Variants in SDK1 observed in about 807,000 individuals in gnomAD.
The protein encoded by SDK1 is protein sidekick-1.
In SDK1, 157 loss-of-function variants were observed where a neutral mutation model predicts 245.5. That is an observed-to-expected ratio of 0.64 (90% CI 0.56 to 0.73). The LOEUF is 0.73. Ranked by LOEUF, SDK1 falls within the 30% of genes least tolerant of loss-of-function variation. SDK1 has a pLI of 0.00. For missense variants in SDK1, 3,583 were observed against 3,002.3 expected (o/e 1.19, Z -4.52); for synonymous variants, 1,647 against 1,278.5 (o/e 1.29, Z -6.15).
In SDK1 at chr7:3,346,522, A is replaced by AT. The variant is rs569452262; in HGVS notation, c.298+44645dup. Reference sequence around the variant, plus strand: ...TAGAGTTAACATTTATTTATTTTTAATTTTTTTAATAGTCAAGGTCTCACT... The same window carrying AT: ...TAGAGTTAACATTTATTTATTTTTAATTTTTTTTAATAGTCAAGGTCTCACT... On this transcript the variant is annotated intron_variant, in intron 1 of 44. Coordinates refer to ENST00000404826, the MANE Select transcript of SDK1 (RefSeq NM_152744.4). 3.2e-4 allele frequency among the ~76,000 whole-genome samples: 49 copies of AT among 151,442 alleles called. No individual in the cohort carries two copies. In the East Asian group the frequency reaches 8.7e-3, roughly 27 times the overall value.
intron 1 of SDK1, among the ~76,000 whole-genome samples, chr7:3,323,716 G>C (rs1214332933): frequency 6.6e-6 from 1 of 152,204 alleles, no homozygotes; most frequent in Non-Finnish European, 1.5e-5. Flanking sequence ...ACCTAGATCA[G>C]GTCCACCTTA....
At chr7:3,878,074 A>C (rs1356134909) in intron 5 of SDK1, among the ~76,000 whole-genome samples, 1 of 152,246 alleles carries the variant, frequency 6.6e-6, no homozygotes, top group Admixed American at 6.5e-5. Flanking sequence ...ATTAAAGCAT[A>C]TGTAATGTCC....
chr7:3,495,160 C>T (rs1781985498), intron 1 of SDK1, among the ~76,000 whole-genome samples: 1 of 151,948 alleles, frequency 6.6e-6, no homozygotes. Context: ...TTCTTAGTTG[C>T]ACATCCTCCT....
intron 1 of SDK1, among the ~76,000 whole-genome samples, chr7:3,494,289 A>G (rs1289013981): frequency 1.3e-5 from 2 of 152,194 alleles, no homozygotes; most frequent in African/African-American, 2.4e-5. Flanking sequence ...AAAGATAGCA[A>G]TTTAGAGATG....
intron 2 of SDK1, among the ~76,000 whole-genome samples, chr7:3,621,505 C>T (rs1781937425): frequency 6.6e-6 from 1 of 152,198 alleles, no homozygotes; most frequent in African/African-American, 2.4e-5. Flanking sequence ...ATGATGTGGA[C>T]AGTGTGTGAC....
At chr7:3,377,831 T>C (rs908078236) in intron 1 of SDK1, among the ~76,000 whole-genome samples, 5 of 152,154 alleles carry the variant, frequency 3.3e-5, no homozygotes. Flanking sequence ...CAGGCTGGAG[T>C]GCAGTGGCAC....
chr7:3,351,702 G>T (rs1780664174), intron 1 of SDK1, among the ~76,000 whole-genome samples: 1 of 152,202 alleles, frequency 6.6e-6, no homozygotes, highest in Non-Finnish European at 1.5e-5. Context: ...TCACTGCACA[G>T]TGGTAAAAGG....
intron 4 of SDK1, among the ~76,000 whole-genome samples, chr7:3,784,907 G>T (rs1270397347): frequency 1.3e-5 from 2 of 152,202 alleles, no homozygotes; most frequent in Non-Finnish European, 2.9e-5. Flanking sequence ...GCACACCAAT[G>T]TTTACTGCAG....
In SDK1 at chr7:4,131,306, A is replaced by G. The variant is rs145808560; in HGVS notation, c.4130-1019A>G. On this transcript the variant is annotated intron_variant, in intron 27 of 44. Coordinates refer to ENST00000404826, the MANE Select transcript of SDK1 (RefSeq NM_152744.4). The stretch of plus-strand genomic sequence containing the variant: ...ATGCCTTCCTCCTCTGCTTTCCAGC[A>G]TAATCCCCATAAACAGCCTGGGAGA... Among the ~76,000 whole-genome samples the G allele has an allele frequency of 3.9e-3, 593 of 152,302 alleles. 8 individuals carry two copies. The highest frequency in any genetic ancestry group is 0.014 in the African/African-American group (565 of 41,582).
At chr7:3,604,590 T>C (rs1222083011) in intron 1 of SDK1, among the ~76,000 whole-genome samples, 2 of 142,082 alleles carry the variant, frequency 1.4e-5, no homozygotes, top group African/African-American at 5.1e-5. Context: ...CTTTTTCTTT[T>C]TCTTTTCTTT....
At position 4,216,179 on chromosome 7, in the gene SDK1, C is replaced by T. The variant is rs555662042; in HGVS notation, c.5540-3930C>T. Among the ~76,000 whole-genome samples the T allele has an allele frequency of 3.9e-5, 6 of 152,256 alleles. No individual in the cohort carries two copies. In the East Asian group the frequency reaches 7.7e-4, roughly 20 times the overall value. ...CTCTCTGTTGAATGTGGGAGGATGCCGGGATAGCTTGAAAAGGACGACAAC... is the reference window on the plus strand; with the variant it reads ...CTCTCTGTTGAATGTGGGAGGATGCTGGGATAGCTTGAAAAGGACGACAAC... On this transcript the variant is annotated intron_variant, in intron 38 of 44. Transcript: ENST00000404826.
chr7:3,532,278 C>T (rs915803935), intron 1 of SDK1, among the ~76,000 whole-genome samples: 3 of 152,136 alleles, frequency 2.0e-5, no homozygotes, highest in African/African-American at 4.8e-5. Context: ...TCTGGTAAGC[C>T]AGGATCCAGG....
intron 5 of SDK1, among the ~76,000 whole-genome samples, chr7:3,872,292 A>G (rs1780976088): frequency 6.6e-6 from 1 of 152,154 alleles, no homozygotes; most frequent in African/African-American, 2.4e-5. Flanking sequence ...CTTTGGTATT[A>G]GGGTAAATGC....
At chr7:3,533,647 T>C (rs1387853280) in intron 1 of SDK1, among the ~76,000 whole-genome samples, 1 of 152,192 alleles carries the variant, frequency 6.6e-6, no homozygotes, top group African/African-American at 2.4e-5. Flanking sequence ...TTTGGTATTA[T>C]TTCTTTGATA....
intron 4 of SDK1, among the ~76,000 whole-genome samples, chr7:3,702,505 G>A (rs530438342): frequency 6.6e-6 from 1 of 152,114 alleles, no homozygotes; most frequent in Non-Finnish European, 1.5e-5. Context: ...CATTAGGGCC[G>A]GATAGCATTC....
intron 28 of SDK1, among the ~76,000 whole-genome samples, chr7:4,138,793 GGAAAA>G (rs1779265986): frequency 6.6e-6 from 1 of 151,208 alleles, no homozygotes; most frequent in Non-Finnish European, 1.5e-5. Flanking sequence ...AAGGAGGGAA[GGAAAA>G]GAAAAGAAAA....
At position 3,913,484 on chromosome 7, in the gene SDK1, G is replaced by A. The variant is rs1779257504; in HGVS notation, c.848-37439G>A. 2.0e-5 allele frequency among the ~76,000 whole-genome samples: 3 copies of A among 152,016 alleles called. No homozygotes were observed. In the South Asian group the frequency reaches 6.3e-4, roughly 32 times the overall value. On this transcript the variant is annotated intron_variant, in intron 5 of 44. Coordinates refer to ENST00000404826, the MANE Select transcript of SDK1 (RefSeq NM_152744.4). ...AATTTTTTGTATTTTTGGTAGAGAT[G>A]GGGTTTCACTATGTTAGCCAGGATG...
rs146962334 is a variant in SDK1 at position 3,742,299 on chromosome 7, C to T, written c.714-79151C>T. ...CATACAGATTACATTGAGCTGAAAACAGTTAAGAAAAAGACACAAGATGAG... is the reference window on the plus strand; with the variant it reads ...CATACAGATTACATTGAGCTGAAAATAGTTAAGAAAAAGACACAAGATGAG... On this transcript the variant is annotated intron_variant, in intron 4 of 44. Coordinates refer to ENST00000404826, the MANE Select transcript of SDK1 (RefSeq NM_152744.4). Among the ~76,000 whole-genome samples the T allele has an allele frequency of 7.2e-3, 1,089 of 152,040 alleles. 15 individuals carry two copies. Among genetic ancestry groups the T allele is most frequent in the African/African-American group, 0.025 (1,022 of 41,490 alleles).
chr7:3,900,420 T>C (rs1781747556), intron 5 of SDK1, among the ~76,000 whole-genome samples: 1 of 152,220 alleles, frequency 6.6e-6, no homozygotes, highest in Non-Finnish European at 1.5e-5. Flanking sequence ...TTGGTTATAA[T>C]AACAACACAA....
Sources: gnomAD v4.1 joint callset for allele counts (sites outside exome capture counted in the v4.1 genomes callset) on GRCh38, gnomAD v4.1.1 for gene constraint, MANE v1.5 for transcripts, NCBI Gene and HGNC (gene_info 2026-07-23, HGNC 2026-07-21) for gene names.